Variants in ITFG1 observed in about 807,000 individuals in gnomAD.
ITFG1 encodes T-cell immunomodulatory protein.
Under a neutral mutation model 81.8 loss-of-function variants are expected in ITFG1, and 34 were observed. The observed-to-expected ratio is 0.42, with a 90% CI of 0.32 to 0.55. The LOEUF (loss-of-function observed/expected upper bound fraction) is 0.55. Ranked by LOEUF, ITFG1 falls within the 20% of genes least tolerant of loss-of-function variation. The pLI is 0.17. For synonymous variants in ITFG1, 285 were observed against 270.6 expected (o/e 1.05, Z -0.52); for missense variants, 672 against 755.4 (o/e 0.89, Z 1.29).
chr16:47,193,348 T>C (rs1162245625), intron 14 of ITFG1, among the ~76,000 whole-genome samples: 6 of 152,136 alleles, frequency 3.9e-5, no homozygotes, highest in Non-Finnish European at 2.9e-5. Flanking sequence ...ACCAGGCCTA[T>C]TTTATTTTAT....
At chr16:47,394,628 C>T (rs1390622290) in intron 6 of ITFG1, among the ~76,000 whole-genome samples, 1 of 151,024 alleles carries the variant, frequency 6.6e-6, no homozygotes, top group Non-Finnish European at 1.5e-5. Flanking sequence ...TTCCAAAAAT[C>T]TAAATGGAAA....
At chr16:47,395,612 T>C (rs931229098) in intron 6 of ITFG1, among the ~76,000 whole-genome samples, 1 of 152,208 alleles carries the variant, frequency 6.6e-6, no homozygotes, top group Non-Finnish European at 1.5e-5. Flanking sequence ...AGGATCACTG[T>C]TGGGGATAAA....
intron 5 of ITFG1, among the ~76,000 whole-genome samples, chr16:47,438,962 A>G (rs1332320720): frequency 6.6e-6 from 1 of 152,212 alleles, no homozygotes; most frequent in African/African-American, 2.4e-5. Context: ...ATGGATAACT[A>G]GAATAAACAA....
intron 14 of ITFG1, among the ~76,000 whole-genome samples, chr16:47,205,871 T>A (rs1044104813): frequency 6.6e-6 from 1 of 150,660 alleles, no homozygotes; most frequent in Admixed American, 6.6e-5. Context: ...TATCTATCTA[T>A]CTATCTATCT....
intron 14 of ITFG1, among the ~76,000 whole-genome samples, chr16:47,188,632 A>AG (rs1567418549): frequency 6.0e-5 from 1 of 16,536 alleles, no homozygotes; most frequent in Non-Finnish European, 1.1e-4. Flanking sequence ...GGGAGGGGGG[A>AG]GGGGGGAGGG....
At chr16:47,378,242 T>C (rs1274213181) in intron 6 of ITFG1, among the ~76,000 whole-genome samples, 2 of 152,184 alleles carry the variant, frequency 1.3e-5, no homozygotes, top group Non-Finnish European at 2.9e-5. Flanking sequence ...AAACTGAAAA[T>C]ATCCAACTTT....
At chr16:47,236,681 A>G (rs1965878931) in intron 13 of ITFG1, among the ~76,000 whole-genome samples, 1 of 152,174 alleles carries the variant, frequency 6.6e-6, no homozygotes, top group Non-Finnish European at 1.5e-5. Flanking sequence ...ATGTTTCACA[A>G]AGTGGGTAGA....
chr16:47,162,862 G>C, intron 14 of ITFG1, 198 bp from the exon 15 acceptor site: 1 of 429,660 alleles, frequency 2.3e-6, no homozygotes, highest in South Asian at 2.8e-5. Flanking sequence ...CTGCCACCTA[G>C]GCTGCAGTGC....
upstream of ITFG1, chr16:47,461,235 G>T (rs186032973): frequency 3.0e-6 from 3 of 1,002,868 alleles, no homozygotes; most frequent in South Asian, 1.6e-5. Context: ...GGTGAAAGCC[G>T]CCCTCACGCT....
intron 14 of ITFG1, among the ~76,000 whole-genome samples, chr16:47,186,667 A>C (rs1298713367): frequency 1.3e-5 from 2 of 152,238 alleles, no homozygotes; most frequent in African/African-American, 4.8e-5. Context: ...CTGAATGGGC[A>C]AAAACTGGAA....
intron 16 of ITFG1, 61 bp downstream of exon 16, chr16:47,161,689 C>A: frequency 9.6e-7 from 1 of 1,041,214 alleles, no homozygotes; most frequent in Non-Finnish European, 1.5e-6. Context: ...AAAGACATCA[C>A]TGTATGTATA....
intron 5 of ITFG1, among the ~76,000 whole-genome samples, chr16:47,444,402 G>C (rs1333282739): frequency 1.3e-5 from 2 of 152,092 alleles, no homozygotes; most frequent in African/African-American, 4.8e-5. Context: ...TCTGGGGTCT[G>C]GCTTTTGGAG....
At chr16:47,300,298 G>GT (rs1967055531) in intron 10 of ITFG1, among the ~76,000 whole-genome samples, 1 of 152,108 alleles carries the variant, frequency 6.6e-6, no homozygotes, top group Non-Finnish European at 1.5e-5. Flanking sequence ...TATTCTAACT[G>GT]TAATTGTCTA....
chr16:47,172,313 T>C (rs1209670377), intron 14 of ITFG1, among the ~76,000 whole-genome samples: 1 of 152,144 alleles, frequency 6.6e-6, no homozygotes, highest in Non-Finnish European at 1.5e-5. Flanking sequence ...GGCAAAACCC[T>C]GTCTCTACTA....
At chr16:47,363,864 T>C (rs1025822212) in intron 8 of ITFG1, among the ~76,000 whole-genome samples, 3 of 152,172 alleles carry the variant, frequency 2.0e-5, no homozygotes, top group African/African-American at 7.2e-5. Flanking sequence ...GGGAGCCATT[T>C]AAACACTTCT....
chr16:47,381,045 T>C (rs994851881), intron 6 of ITFG1, among the ~76,000 whole-genome samples: 10 of 152,226 alleles, frequency 6.6e-5, no homozygotes, highest in African/African-American at 2.4e-4. Context: ...GCTTCAATTA[T>C]CTCCATTCAT....
chr16:47,318,312 T>C (rs1421621943), intron 8 of ITFG1, among the ~76,000 whole-genome samples: 2 of 152,216 alleles, frequency 1.3e-5, no homozygotes, highest in South Asian at 2.1e-4. Context: ...GGTTTCATAA[T>C]GGTAAATCTG....
intron 14 of ITFG1, among the ~76,000 whole-genome samples, chr16:47,206,326 G>A (rs1384330549): frequency 6.6e-6 from 1 of 152,088 alleles, no homozygotes; most frequent in African/African-American, 2.4e-5. Context: ...CAGCTACCCT[G>A]CTACCTATGG....
chr16:47,329,031 C>G (rs150810702), intron 8 of ITFG1, among the ~76,000 whole-genome samples: 4 of 152,178 alleles, frequency 2.6e-5, no homozygotes, highest in African/African-American at 9.6e-5. Flanking sequence ...ATATAAAAAT[C>G]CACGCTTAAG....
Sources: gnomAD v4.1 joint callset for allele counts (sites outside exome capture counted in the v4.1 genomes callset) on GRCh38, gnomAD v4.1.1 for gene constraint, MANE v1.5 for transcripts, NCBI Gene and HGNC (gene_info 2026-07-23, HGNC 2026-07-21) for gene names.